Variants in B2M observed in about 807,000 individuals in gnomAD.
B2M encodes the protein beta-2-microglobulin, also known as beta chain of MHC class I molecules.
Under a neutral mutation model 14.5 loss-of-function variants are expected in B2M, and 3 were observed. The ratio of observed to expected loss-of-function variants is 0.21; its 90% CI spans 0.09 to 0.53. B2M has a LOEUF of 0.53. Ranked by LOEUF, B2M falls within the 20% of genes least tolerant of loss-of-function variation. The probability of loss-of-function intolerance (pLI) is 0.95; values close to 1 mark genes in which losing one functional copy is unlikely to be tolerated. For synonymous variants in B2M, 45 were observed against 52.7 expected (o/e 0.85, Z 0.64); for missense variants, 107 against 140.8 (o/e 0.76, Z 1.21).
chr15:44,716,051 G>A (rs955281167), intron 2 of B2M: 17 of 600,834 alleles, frequency 2.8e-5, no homozygotes, highest in African/African-American at 1.7e-4. Flanking sequence ...AGCACTGAAC[G>A]AACATCTCAA....
In B2M at chr15:44,715,634, T is replaced by C. The variant is rs766309912; in HGVS notation, c.279T>C (p.Thr93=). 4.3e-6 allele frequency: 7 copies of C among 1,614,052 alleles called. No individual in the cohort carries two copies. In the African/African-American group the frequency reaches 9.3e-5, roughly 22 times the overall value. Residue 93 remains threonine (T), a synonymous_variant, in exon 2 of 4, where the codon ACT becomes ACC. Transcript: ENST00000648006. ...YLLYYTEFTP[T]EKDEYACRVN... is the part of the protein sequence containing the mutation. The stretch of plus-strand genomic sequence containing the variant: ...TGTACTACACTGAATTCACCCCCAC[T>C]GAAAAAGATGAGTATGCCTGCCGTG...
chr15:44,715,993 C>A, intron 2 of B2M: 1 of 602,492 alleles, frequency 1.7e-6, no homozygotes, highest in Non-Finnish European at 2.9e-6. Flanking sequence ...CTTAACACTT[C>A]TTACCTACTG....
At chr15:44,714,049 T>C (rs2086915987) in intron 1 of B2M, 1 of 152,246 alleles carries the variant, frequency 6.6e-6, no homozygotes, top group South Asian at 2.1e-4. Context: ...TCATTTTCAA[T>C]GAAAAATATA....
At position 44,716,348 on chromosome 15, in the gene B2M, A is replaced by G; in HGVS notation, c.*6A>G. 1 of 1,612,300 alleles carries G rather than the reference A, an allele frequency of 6.2e-7. No homozygotes were observed. Among genetic ancestry groups the G allele is most frequent in the Non-Finnish European group, 8.5e-7 (1 of 1,178,338 alleles). ...TCATAGATCGAGACATGTAAGCAGCATCATGGAGGTAAGTTTTTGACCTTG... is the reference window on the plus strand; with the variant it reads ...TCATAGATCGAGACATGTAAGCAGCGTCATGGAGGTAAGTTTTTGACCTTG... On this transcript the variant is annotated 3_prime_UTR_variant, in exon 3 of 4. Coordinates refer to ENST00000648006, the MANE Select transcript of B2M (RefSeq NM_004048.4).
intron 1 of B2M, chr15:44,714,475 T>C (rs2254831): frequency 0.24 from 36,316 of 152,206 alleles, 5,357 homozygotes; most frequent in African/African-American, 0.41. Flanking sequence ...CTTGGGTTGG[T>C]TGGGCACGGT....
intron 1 of B2M, chr15:44,714,919 A>T: frequency 4.9e-6 from 1 of 205,978 alleles, no homozygotes. Context: ...ACCAAAAAGA[A>T]AGGCATAAAC....
intron 1 of B2M, chr15:44,713,017 AAG>A (rs1712387299): frequency 6.6e-6 from 1 of 151,882 alleles, no homozygotes; most frequent in African/African-American, 2.4e-5. Context: ...AAAAAAAAGA[AAG>A]AGAAAAGAAA....
Position 44,718,066 on chromosome 15 carries a change from T to C in B2M, c.*474T>C, listed in dbSNP as rs567911872. Reference sequence around the variant, plus strand: ...ATATAAGATTCATATTTACTTCTTATACATTTGATAAAGTAAGGCATGGTT... The same window carrying C: ...ATATAAGATTCATATTTACTTCTTACACATTTGATAAAGTAAGGCATGGTT... On this transcript the variant is annotated 3_prime_UTR_variant, in exon 4 of 4. Transcript: ENST00000648006. 4 of 152,380 alleles carry C rather than the reference T, an allele frequency of 2.6e-5. No individual in the cohort carries two copies. The highest frequency in any genetic ancestry group is 6.5e-5 in the Admixed American group (1 of 15,296). The allele number at this position is 152,380 out of a possible 1,614,324, so 9.4% of individuals were successfully genotyped here.
chr15:44,711,522 T>C lies in B2M; in HGVS notation c.-25T>C, dbSNP rs1302850079. On this transcript the variant is annotated 5_prime_UTR_variant, in exon 1 of 4. Transcript: ENST00000648006. ...GAGGCGTCGCGCTGGCGGGCATTCC[T>C]GAAGCTGACAGCATTCGGGCCGAGA... 3.7e-6 allele frequency: 6 copies of C among 1,613,146 alleles called. No individual in the cohort carries two copies. The highest frequency in any genetic ancestry group is 5.1e-6 in the Non-Finnish European group (6 of 1,179,882).
chr15:44,716,746 G>A, intron 3 of B2M: 1 of 252,674 alleles, frequency 4.0e-6, no homozygotes, highest in Non-Finnish European at 7.7e-6. Context: ...TCTTCAGACA[G>A]AAGAGAGGAG....
At chr15:44,711,690 C>A in intron 1 of B2M, 77 bp downstream of exon 1, 1 of 1,498,554 alleles carries the variant, frequency 6.7e-7, no homozygotes, top group Non-Finnish European at 9.2e-7. Context: ...TGTGCTCTCT[C>A]GCTCCGTGAC....
At chr15:44,715,731 G>A (rs1202422102) in intron 2 of B2M, 30 bp downstream of exon 2, 1 of 1,613,504 alleles carries the variant, frequency 6.2e-7, no homozygotes, top group Non-Finnish European at 8.5e-7. Context: ...GTAAGCTGCT[G>A]AAAGTTGTGT....
Position 44,715,592 on chromosome 15 carries a change from C to T in B2M, c.237C>T (p.Asp79=), listed in dbSNP as rs2141288957. The T allele has an allele frequency of 6.2e-7, 1 of 1,614,184 alleles. No individual in the cohort carries two copies. The highest frequency in any genetic ancestry group is 8.5e-7 in the Non-Finnish European group (1 of 1,180,020). Residue 79 remains aspartate (D), a synonymous_variant, in exon 2 of 4, where the codon GAC becomes GAT. Coordinates refer to ENST00000648006, the MANE Select transcript of B2M (RefSeq NM_004048.4). ...ATTCAGACTTGTCTTTCAGCAAGGA[C>T]TGGTCTTTCTATCTCTTGTACTACA... ...VEHSDLSFSK[D]WSFYLLYYTE... is the part of the protein sequence containing the mutation.
intron 1 of B2M, chr15:44,711,941 C>A (rs755100516): frequency 2.0e-6 from 1 of 499,104 alleles, no homozygotes; most frequent in Admixed American, 3.3e-5. Flanking sequence ...TTCTCTTCCG[C>A]TCTTTCGCGG....
intron 3 of B2M, chr15:44,716,856 T>A (rs1279238183): frequency 2.5e-5 from 4 of 159,148 alleles, no homozygotes; most frequent in African/African-American, 9.6e-5. Flanking sequence ...CAGATTGTTA[T>A]AACTTGATAT....
Position 44,716,215 on chromosome 15 carries a change from A to G in B2M, c.347-114A>G, listed in dbSNP as rs577081566. ...AAACAATGTATTCATGGGTAGGAAC[A>G]GCAGCCTATTCTGCCAGCCTTATTT... is the stretch of plus-strand genomic sequence containing the variant. On this transcript the variant is annotated intron_variant, in intron 2 of 3. Transcript: ENST00000648006. The G allele has an allele frequency of 3.2e-6, 4 of 1,256,942 alleles. No individual in the cohort carries two copies. The African/African-American group carries it at 4.4e-5, about 14-fold the overall frequency. 77.9% of individuals were successfully genotyped at this position (1,256,942 alleles called of 1,614,324 possible). A position where few individuals can be genotyped will look rare whatever the true frequency, so the allele number is the denominator to read the frequency against.
chr15:44,711,711 C>A, intron 1 of B2M, 98 bp downstream of exon 1: 1 of 1,435,058 alleles, frequency 7.0e-7, no homozygotes, highest in Non-Finnish European at 9.7e-7. Context: ...TTCCCTTCTC[C>A]AAGTTCTCCT....
At chr15:44,714,278 T>A (rs2086917645) in intron 1 of B2M, 1 of 152,268 alleles carries the variant, frequency 6.6e-6, no homozygotes, top group Non-Finnish European at 1.5e-5. Flanking sequence ...GCCATAGTCC[T>A]CACCTATCCC....
At chr15:44,712,006 A>C in intron 1 of B2M, 1 of 358,554 alleles carries the variant, frequency 2.8e-6, no homozygotes, top group Non-Finnish European at 5.4e-6. Context: ...CTCGTCCCAA[A>C]GGCGCGGCGC....
Sources: allele counts gnomAD v4.1 joint callset, GRCh38; gene constraint gnomAD v4.1.1; transcripts MANE v1.5; gene names NCBI Gene and HGNC (gene_info 2026-07-23, HGNC 2026-07-21).